The following NPAS3 variants were observed in gnomAD, a reference collection of about 807,000 sequenced individuals.
The protein encoded by NPAS3 is neuronal PAS domain-containing protein 3.
A neutral mutation model predicts 73.1 loss-of-function variants in NPAS3; 14 were observed. The ratio of observed to expected loss-of-function variants is 0.19; its 90% CI spans 0.13 to 0.30. NPAS3 has a LOEUF of 0.30. Among genes scored for constraint, NPAS3 ranks in the 10% least tolerant of loss-of-function variants. The pLI is 1.00. For synonymous variants in NPAS3, 620 were observed against 541.5 expected, an observed-to-expected ratio of 1.14 and a Z score of -2.01; for missense variants, 1,096 against 1,250.0, an observed-to-expected ratio of 0.88 and a Z score of 1.86.
chr14:33,650,688 C>CCACTGTAGATGACATGT (rs2058966111), intron 5 of NPAS3, among the ~76,000 whole-genome samples: 1 of 152,178 alleles, frequency 6.6e-6, no homozygotes. Flanking sequence ...GCTCCTGCTG[C>CCACTGTAGATGACATGT]CACTGTAGAT....
Position 33,431,611 on chromosome 14 carries a change from G to A in NPAS3, c.468+64343G>A, listed in dbSNP as rs145751337. ...CTATTTTAAATATTTGTTATCTCTC[G>A]CCTTTGTTTTATAAATGTCAATATC... On this transcript the variant is annotated intron_variant, in intron 4 of 11. Coordinates refer to ENST00000356141, the Ensembl canonical transcript of NPAS3. Among the ~76,000 whole-genome samples, 37 of 152,096 alleles carry A rather than the reference G, an allele frequency of 2.4e-4. No individual in the cohort carries two copies. In the East Asian group the frequency reaches 6.8e-3, roughly 28 times the overall value.
chr14:33,572,571 C>T (rs1325736174), intron 5 of NPAS3, among the ~76,000 whole-genome samples: 3 of 152,110 alleles, frequency 2.0e-5, no homozygotes, highest in African/African-American at 4.8e-5. Context: ...GCAGAACTAG[C>T]GTTTAAACCC....
chr14:33,404,783 T>A (rs1486473008), intron 4 of NPAS3, among the ~76,000 whole-genome samples: 1 of 152,118 alleles, frequency 6.6e-6, no homozygotes, highest in African/African-American at 2.4e-5. Flanking sequence ...GATTCTACCC[T>A]CTGGAATGAA....
In NPAS3 at chr14:33,166,954, A is replaced by G. The variant is rs563706249; in HGVS notation, c.141-48228A>G. 1.8e-3 allele frequency among the ~76,000 whole-genome samples: 275 copies of G among 152,320 alleles called. 2 individuals are homozygous for G. The highest frequency in any genetic ancestry group is 3.0e-3 in the Non-Finnish European group (204 of 68,034). On this transcript the variant is annotated intron_variant, in intron 2 of 11. Coordinates refer to ENST00000356141, the Ensembl canonical transcript of NPAS3. ...TGCTCTTTTCTTACCAAACTTTCCT[A>G]TATTGCTCCTGGATTTCCTTTTAAT... is the stretch of plus-strand genomic sequence containing the variant.
intron 4 of NPAS3, among the ~76,000 whole-genome samples, chr14:33,480,821 C>G (rs1363201753): frequency 6.6e-6 from 1 of 151,840 alleles, no homozygotes; most frequent in East Asian, 1.9e-4. Context: ...AACTGCAGTT[C>G]ATTTCTCTGC....
At chr14:32,993,224 A>G (rs980433670) in intron 1 of NPAS3, among the ~76,000 whole-genome samples, 1 of 152,104 alleles carries the variant, frequency 6.6e-6, no homozygotes, top group Non-Finnish European at 1.5e-5. Context: ...TGTTAAAGTA[A>G]AAATGTCCAT....
At chr14:33,782,814 GTTTTT>G (rs57849305) in intron 9 of NPAS3, among the ~76,000 whole-genome samples, 72 of 149,472 alleles carry the variant, frequency 4.8e-4, no homozygotes, top group African/African-American at 1.6e-3. Flanking sequence ...CTTGGGGGTT[GTTTTT>G]TTTTAAAAAA....
intron 3 of NPAS3, among the ~76,000 whole-genome samples, chr14:33,284,110 T>C (rs74782019): frequency 0.04 from 6,113 of 152,300 alleles, 142 homozygotes; most frequent in Non-Finnish European, 0.061. Flanking sequence ...TAAATCTTTT[T>C]CAGAATAAAG....
intron 3 of NPAS3, among the ~76,000 whole-genome samples, chr14:33,267,621 G>T (rs774197532): frequency 5.9e-5 from 9 of 152,072 alleles, no homozygotes; most frequent in African/African-American, 2.2e-4. Context: ...AGAATTTATT[G>T]ACACATTTTT....
At chr14:33,553,024 C>T (rs2055191233) in intron 4 of NPAS3, among the ~76,000 whole-genome samples, 1 of 152,190 alleles carries the variant, frequency 6.6e-6, no homozygotes, top group East Asian at 1.9e-4. Context: ...CTGTGCTCAC[C>T]TGTGCTCCAA....
At chr14:33,510,893 T>C (rs186197939) in intron 4 of NPAS3, among the ~76,000 whole-genome samples, 1 of 152,172 alleles carries the variant, frequency 6.6e-6, no homozygotes, top group Non-Finnish European at 1.5e-5. Context: ...TGTTGAATGA[T>C]CTTTTTTCCT....
At chr14:33,099,492 G>T (rs2042521915) in intron 2 of NPAS3, among the ~76,000 whole-genome samples, 1 of 152,086 alleles carries the variant, frequency 6.6e-6, no homozygotes, top group Non-Finnish European at 1.5e-5. Flanking sequence ...AAAAAATGTA[G>T]TTTGAATGAA....
chr14:33,399,729 T>C (rs2047372359), intron 4 of NPAS3, among the ~76,000 whole-genome samples: 1 of 152,014 alleles, frequency 6.6e-6, no homozygotes, highest in Admixed American at 6.6e-5. Flanking sequence ...TTTTTACGTA[T>C]TGTGATTTTT....
At chr14:33,783,932 T>C (rs181970984) in intron 9 of NPAS3, among the ~76,000 whole-genome samples, 1 of 152,298 alleles carries the variant, frequency 6.6e-6, no homozygotes, top group Admixed American at 6.5e-5. Flanking sequence ...ACTGAGTATC[T>C]GAAGGGTTTT....
intron 6 of NPAS3, among the ~76,000 whole-genome samples, chr14:33,679,242 C>CA (rs939514097): frequency 4.6e-5 from 7 of 152,172 alleles, no homozygotes; most frequent in African/African-American, 1.7e-4. Flanking sequence ...CCTTAACCTT[C>CA]AAAGTCTGCA....
intron 3 of NPAS3, among the ~76,000 whole-genome samples, chr14:33,366,794 G>C (rs2140416831): frequency 6.6e-6 from 1 of 152,048 alleles, no homozygotes; most frequent in East Asian, 1.9e-4. Context: ...GTTTTCTCTG[G>C]GGCGGGGTTG....
intron 4 of NPAS3, among the ~76,000 whole-genome samples, chr14:33,550,851 AG>A (rs1198018642): frequency 6.6e-6 from 1 of 152,232 alleles, no homozygotes; most frequent in Non-Finnish European, 1.5e-5. Flanking sequence ...ACCAATATAA[AG>A]ATTTCAGTAT....
intron 4 of NPAS3, among the ~76,000 whole-genome samples, chr14:33,441,165 G>A (rs1366815060): frequency 2.6e-5 from 4 of 152,196 alleles, no homozygotes; most frequent in African/African-American, 9.7e-5. Flanking sequence ...ATTTCTGGAT[G>A]TTTCACTTTT....
At chr14:33,327,120 CA>C (rs1334645800) in intron 3 of NPAS3, among the ~76,000 whole-genome samples, 1 of 152,080 alleles carries the variant, frequency 6.6e-6, no homozygotes, top group Admixed American at 6.5e-5. Flanking sequence ...TGCAATTTGG[CA>C]AAATTGTTAA....
Sources: gnomAD v4.1 joint callset for allele counts (sites outside exome capture counted in the v4.1 genomes callset) on GRCh38, gnomAD v4.1.1 for gene constraint, MANE v1.5 for transcripts, NCBI Gene and HGNC (gene_info 2026-07-23, HGNC 2026-07-21) for gene names.